The following PTPRK variants were observed in gnomAD, a reference collection of about 807,000 sequenced individuals.
PTPRK encodes the protein protein tyrosine phosphatase receptor type K, also known as receptor-type tyrosine-protein phosphatase kappa.
Under a neutral mutation model 178.0 loss-of-function variants are expected in PTPRK, and 75 were observed. The observed-to-expected ratio is 0.42, with a 90% CI of 0.35 to 0.51. The LOEUF (loss-of-function observed/expected upper bound fraction) is 0.51. Ranked by LOEUF, PTPRK falls within the 20% of genes least tolerant of loss-of-function variation. The pLI is 0.02. For synonymous variants in PTPRK, 637 were observed against 620.6 expected (o/e 1.03, Z -0.39); for missense variants, 1,441 against 1,797.8 (o/e 0.80, Z 3.59).
chr6:128,209,955 C>T (rs912788275), intron 6 of PTPRK, among the ~76,000 whole-genome samples: 10 of 152,062 alleles, frequency 6.6e-5, no homozygotes, highest in African/African-American at 1.2e-4. Context: ...GAATTTATAC[C>T]GCAAGAACAG....
intron 7 of PTPRK, among the ~76,000 whole-genome samples, chr6:128,163,636 T>C (rs779924188): frequency 3.3e-5 from 5 of 151,476 alleles, no homozygotes; most frequent in Non-Finnish European, 5.9e-5. Context: ...TTAGTCCGTT[T>C]GTGAGAATAA....
At chr6:128,310,119 T>A (rs1827016212) in intron 3 of PTPRK, among the ~76,000 whole-genome samples, 1 of 152,216 alleles carries the variant, frequency 6.6e-6, no homozygotes, top group African/African-American at 2.4e-5. Context: ...TAGTTATAGA[T>A]GACTAAGCTT....
chr6:128,038,994 AG>A (rs1776708744), intron 13 of PTPRK, among the ~76,000 whole-genome samples: 1 of 152,200 alleles, frequency 6.6e-6, no homozygotes, highest in African/African-American at 2.4e-5. Context: ...ATGGAGAAAT[AG>A]GTATTCTAAC....
intron 2 of PTPRK, among the ~76,000 whole-genome samples, chr6:128,335,081 C>T (rs1830742779): frequency 6.6e-6 from 1 of 152,130 alleles, no homozygotes; most frequent in African/African-American, 2.4e-5. Flanking sequence ...GAGTGAGACA[C>T]TGTCTCAAAA....
At chr6:128,413,268 AGAGTACT>A (rs1842499002) in intron 1 of PTPRK, among the ~76,000 whole-genome samples, 1 of 152,228 alleles carries the variant, frequency 6.6e-6, no homozygotes. Context: ...CTGTCTGCAT[AGAGTACT>A]GCACAGACCA....
chr6:128,163,130 G>A (rs959162712), intron 7 of PTPRK, among the ~76,000 whole-genome samples: 2 of 150,986 alleles, frequency 1.3e-5, no homozygotes, highest in Admixed American at 6.6e-5. Context: ...GACTGGTTTT[G>A]GACTGGGATG....
At chr6:128,361,866 G>C (rs932239619) in intron 2 of PTPRK, among the ~76,000 whole-genome samples, 2 of 152,158 alleles carry the variant, frequency 1.3e-5, no homozygotes, top group African/African-American at 4.8e-5. Flanking sequence ...AGGCATTTTT[G>C]TCAATCAAAT....
At chr6:127,973,266 C>A (rs988200224) in intron 28 of PTPRK, 109 bp from the exon 29 acceptor site, 3 of 1,518,866 alleles carry the variant, frequency 2.0e-6, no homozygotes, top group Non-Finnish European at 2.6e-6. Flanking sequence ...AATTGTTTTC[C>A]ATTTGTGTCT....
chr6:128,013,601 C>T (rs1234221955), intron 13 of PTPRK, among the ~76,000 whole-genome samples: 5 of 151,460 alleles, frequency 3.3e-5, no homozygotes, highest in Admixed American at 2.6e-4. Flanking sequence ...TTGAATCCTC[C>T]ACTTTCCTTA....
chr6:128,146,547 G>C (rs151106159), intron 7 of PTPRK, among the ~76,000 whole-genome samples: 4 of 151,352 alleles, frequency 2.6e-5, no homozygotes, highest in Non-Finnish European at 5.9e-5. Flanking sequence ...GGGTTCAAGC[G>C]ATTCTCCTGC....
chr6:128,115,933 A>C (rs549123431), intron 7 of PTPRK, among the ~76,000 whole-genome samples: 2 of 152,094 alleles, frequency 1.3e-5, no homozygotes, highest in Non-Finnish European at 2.9e-5. Flanking sequence ...CAACACACAG[A>C]GCGGTATACA....
chr6:128,157,695 G>C (rs1248582043), intron 7 of PTPRK, among the ~76,000 whole-genome samples: 1 of 152,044 alleles, frequency 6.6e-6, no homozygotes, highest in African/African-American at 2.4e-5. Flanking sequence ...GGCCAGTGAT[G>C]ATGAACATTT....
chr6:128,115,145 C>A (rs1210521099), intron 7 of PTPRK, among the ~76,000 whole-genome samples: 3 of 152,238 alleles, frequency 2.0e-5, no homozygotes, highest in East Asian at 3.9e-4. Flanking sequence ...TACTGGACTG[C>A]ACCCAGCACC....
intron 3 of PTPRK, among the ~76,000 whole-genome samples, chr6:128,260,132 T>A (rs1335231900): frequency 6.6e-6 from 1 of 152,104 alleles, no homozygotes; most frequent in East Asian, 1.9e-4. Flanking sequence ...ACCTATAGAG[T>A]ATATTATTCT....
chr6:128,027,555 A>G (rs1419884662), intron 13 of PTPRK, among the ~76,000 whole-genome samples: 7 of 151,842 alleles, frequency 4.6e-5, no homozygotes, highest in African/African-American at 1.5e-4. Context: ...CTTTTAATAT[A>G]TTATTTCAAT....
intron 13 of PTPRK, among the ~76,000 whole-genome samples, chr6:128,014,637 T>C (rs1056911618): frequency 1.3e-5 from 2 of 151,572 alleles, no homozygotes; most frequent in African/African-American, 4.8e-5. Flanking sequence ...AATGAAAAAC[T>C]ATGAATAGGA....
chr6:128,421,565 C>T lies in PTPRK; in HGVS notation c.101-23877G>A, dbSNP rs73772032. Reference sequence around the variant, plus strand: ...AGGATTTTTTACAAATCATTCAAGACGACTCTTCACAAGTATTCACTTTTC... The same window carrying T: ...AGGATTTTTTACAAATCATTCAAGATGACTCTTCACAAGTATTCACTTTTC... On this transcript the variant is annotated intron_variant, in intron 1 of 29. Transcript: ENST00000368226. Among the ~76,000 whole-genome samples, 1,038 of 152,166 alleles carry T rather than the reference C, an allele frequency of 6.8e-3. 9 individuals carry two copies. The highest frequency in any genetic ancestry group is 0.024 in the African/African-American group (1,000 of 41,492).
intron 7 of PTPRK, among the ~76,000 whole-genome samples, chr6:128,183,534 A>G (rs545024929): frequency 2.8e-4 from 43 of 152,280 alleles, no homozygotes; most frequent in Non-Finnish European, 4.4e-4. Context: ...ATGCTGGACT[A>G]AAAAATATGT....
intron 6 of PTPRK, among the ~76,000 whole-genome samples, chr6:128,191,992 C>T (rs1304257628): frequency 6.6e-6 from 1 of 152,026 alleles, no homozygotes; most frequent in Non-Finnish European, 1.5e-5. Context: ...TGTGACTACA[C>T]GAATTGCTCA....
Sources: allele counts gnomAD v4.1 joint callset (sites outside exome capture counted in the v4.1 genomes callset), GRCh38; gene constraint gnomAD v4.1.1; transcripts MANE v1.5; gene names NCBI Gene and HGNC (gene_info 2026-07-23, HGNC 2026-07-21).